ITGAE: variants seen among roughly 807,000 people sequenced by gnomAD.
ITGAE encodes integrin alpha-E.
A neutral mutation model predicts 136.5 loss-of-function variants in ITGAE; 99 were observed. The observed-to-expected ratio is 0.73, with a 90% CI of 0.62 to 0.86. The LOEUF is 0.86. Among genes scored for constraint, ITGAE ranks in the 40% least tolerant of loss-of-function variants. The pLI is 0.00. For synonymous variants in ITGAE, 613 were observed against 591.8 expected (o/e 1.04, Z -0.52); for missense variants, 1,447 against 1,515.3 (o/e 0.95, Z 0.75).
chr17:3,722,319 A>G (rs2051070550), intron 28 of ITGAE: 2 of 150,400 alleles, frequency 1.3e-5, no homozygotes, highest in Non-Finnish European at 3.0e-5. Context: ...CCTCTCTACT[A>G]AAAATACAAA....
intron 21 of ITGAE, among the ~76,000 whole-genome samples, chr17:3,733,464 C>T (rs778490203): frequency 2.4e-4 from 36 of 152,202 alleles, no homozygotes; most frequent in Non-Finnish European, 4.7e-4. Flanking sequence ...CTCTGTTGCC[C>T]AGGCTGGAGT....
At chr17:3,731,314 CA>C (rs2143010595) in intron 22 of ITGAE, 131 bp from the exon 23 acceptor site, 1 of 635,614 alleles carries the variant, frequency 1.6e-6, no homozygotes, top group African/African-American at 1.8e-5. Context: ...TTTTCTAACA[CA>C]GCATGTTTCC....
intron 20 of ITGAE, among the ~76,000 whole-genome samples, chr17:3,738,523 A>T (rs1487094142): frequency 1.3e-5 from 2 of 152,140 alleles, no homozygotes; most frequent in Non-Finnish European, 2.9e-5. Flanking sequence ...GTGCTTGGCA[A>T]CACTGTCATT....
chr17:3,784,675 G>T (rs1486333655), intron 1 of ITGAE, among the ~76,000 whole-genome samples: 5 of 152,148 alleles, frequency 3.3e-5, no homozygotes, highest in African/African-American at 7.2e-5. Flanking sequence ...TTACAGGCGT[G>T]AGCCACCGCA....
intron 28 of ITGAE, 24 bp downstream of exon 28, chr17:3,723,264 C>G: frequency 6.7e-7 from 1 of 1,486,618 alleles, no homozygotes; most frequent in Non-Finnish European, 9.4e-7. Context: ...ATAATCAAAT[C>G]TGGAGCATTT....
rs1234785749 is a variant in ITGAE at position 3,799,518 on chromosome 17, G to A, written c.34+1593C>T. 1.3e-5 allele frequency among the ~76,000 whole-genome samples: 2 copies of A among 152,184 alleles called. No homozygotes were observed. Among genetic ancestry groups the A allele is most frequent in the Admixed American group, 6.5e-5 (1 of 15,278 alleles). ...AGATGAGCCACAGGAGTATTCTGGAGCTGGGAGGCAGGACAGAGGCCTGGG... is the reference window on the plus strand; with the variant it reads ...AGATGAGCCACAGGAGTATTCTGGAACTGGGAGGCAGGACAGAGGCCTGGG... On this transcript the variant is annotated intron_variant, in intron 1 of 30. Transcript: ENST00000263087. This position sits in a 1 kb window ranked among gnomAD's most constrained non-coding sequence, Gnocchi z 4.1.
At chr17:3,724,396 G>A (rs771455146) in intron 26 of ITGAE, 2 of 1,610,400 alleles carry the variant, frequency 1.2e-6, no homozygotes, top group Admixed American at 3.3e-5. Flanking sequence ...AGCGTGTGCG[G>A]CCAGCCCAGG....
chr17:3,751,985 C>T (rs1293393592), intron 14 of ITGAE, 111 bp from the exon 15 acceptor site: 1 of 908,460 alleles, frequency 1.1e-6, no homozygotes, highest in East Asian at 2.5e-5. Flanking sequence ...CATTGCCACC[C>T]AGGATGCACG....
At chr17:3,723,832 G>A in intron 26 of ITGAE, 88 bp from the exon 27 acceptor site, 1 of 1,547,138 alleles carries the variant, frequency 6.5e-7, no homozygotes, top group Non-Finnish European at 8.7e-7. Flanking sequence ...GGCGAGGTGC[G>A]CATGCGCAGG....
intron 5 of ITGAE, 81 bp from the exon 6 acceptor site, chr17:3,761,258 G>C: frequency 3.2e-6 from 5 of 1,558,648 alleles, no homozygotes; most frequent in Non-Finnish European, 4.3e-6. Context: ...GTTCTGCCCT[G>C]ATTCCTTTCA....
Position 3,729,527 on chromosome 17 carries a change from C to T in ITGAE, c.2863G>A (p.Glu955Lys), listed in dbSNP as rs142915951. ...NSNERRSLAN[E>K]THTLQFRHGF... ...TGCCTGAATTGAAGGGTGTGGGTCT[C>T]GTTGGCCAAAGACCGTCTTTCATTG... Residue 955 changes from glutamate (E) to lysine (K), a missense_variant, in exon 24 of 31, where the codon GAG becomes AAG. Around this residue, in one of 3 missense-constraint regions of ITGAE, gnomAD observed 1,031 missense variants for 1,011.4 expected, o/e 1.02. Transcript: ENST00000263087. 1,447 of 1,610,978 alleles carry T rather than the reference C, an allele frequency of 9.0e-4. 15 individuals are homozygous for T. In the African/African-American group the frequency reaches 0.013, roughly 14 times the overall value.
chr17:3,719,039 C>G (rs1597291154), intron 29 of ITGAE, among the ~76,000 whole-genome samples: 1 of 151,854 alleles, frequency 6.6e-6, no homozygotes, highest in Admixed American at 6.6e-5. Flanking sequence ...CGAGACCAGC[C>G]TGGCCAACAT....
intron 19 of ITGAE, among the ~76,000 whole-genome samples, chr17:3,741,409 C>G (rs2051586774): frequency 6.6e-6 from 1 of 152,078 alleles, no homozygotes; most frequent in South Asian, 2.1e-4. Context: ...TTTAATATAG[C>G]CACATAGCCT....
At chr17:3,742,936 G>A (rs1597322189) in intron 19 of ITGAE, among the ~76,000 whole-genome samples, 1 of 152,354 alleles carries the variant, frequency 6.6e-6, no homozygotes, top group East Asian at 1.9e-4. Context: ...ACAGGCATCA[G>A]CCAGGGCGCC....
At chr17:3,790,304 C>G (rs1179368532) in intron 1 of ITGAE, among the ~76,000 whole-genome samples, 1 of 152,078 alleles carries the variant, frequency 6.6e-6, no homozygotes, top group Non-Finnish European at 1.5e-5. Flanking sequence ...GTCAGGAGTT[C>G]AAGACCAGCC....
At chr17:3,755,384 A>G (rs1192867536) in intron 11 of ITGAE, 123 bp from the exon 12 acceptor site, 11 of 1,164,004 alleles carry the variant, frequency 9.5e-6, no homozygotes, top group Non-Finnish European at 1.2e-5. Flanking sequence ...TCGGTGGTCT[A>G]GTGCCCGCCT....
intron 15 of ITGAE, among the ~76,000 whole-genome samples, chr17:3,750,908 G>C (rs2051848829): frequency 6.6e-6 from 1 of 152,066 alleles, no homozygotes; most frequent in Admixed American, 6.6e-5. Context: ...AGATGGAGAG[G>C]AGGAGGAAGC....
intron 19 of ITGAE, among the ~76,000 whole-genome samples, chr17:3,740,778 A>G (rs1187659276): frequency 6.6e-6 from 1 of 152,236 alleles, no homozygotes; most frequent in African/African-American, 2.4e-5. Context: ...GAAAAGCTCC[A>G]GTTCGTGTTT....
intron 5 of ITGAE, 28 bp from the exon 6 acceptor site, chr17:3,761,205 G>A (rs1199805365): frequency 5.0e-6 from 8 of 1,604,978 alleles, no homozygotes; most frequent in Non-Finnish European, 6.8e-6. Flanking sequence ...GAAGAGCTCA[G>A]AGTCAGAAAG....
Sources: gnomAD v4.1 joint callset for allele counts (sites outside exome capture counted in the v4.1 genomes callset) on GRCh38, gnomAD v4.1.1 for gene constraint, gnomAD v4.1.1 regional missense constraint, Gnocchi (gnomAD v3.1) non-coding constraint, MANE v1.5 for transcripts, NCBI Gene and HGNC (gene_info 2026-07-23, HGNC 2026-07-21) for gene names.